CROCC2: variants seen among roughly 807,000 people sequenced by gnomAD.
The protein encoded by CROCC2 is ciliary rootlet coiled-coil, rootletin family member 2.
Under a neutral mutation model 177.6 loss-of-function variants are expected in CROCC2, and 163 were observed. That is an observed-to-expected ratio of 0.92 (90% CI 0.81 to 1.05). The LOEUF is 1.05. Ranked by LOEUF, CROCC2 falls within the 50% of genes least tolerant of loss-of-function variation. CROCC2 has a pLI of 0.00. For missense variants in CROCC2, 1,929 were observed against 1,797.8 expected, an observed-to-expected ratio of 1.07 and a Z score of -1.32; for synonymous variants, 904 against 787.3, an observed-to-expected ratio of 1.15 and a Z score of -2.48.
rs956431379 is a variant in CROCC2, at chr2:240,930,918, C to T, written c.750-13C>T. On this transcript the variant is annotated splice_polypyrimidine_tract_variant and intron_variant, in intron 6 of 31. Coordinates refer to ENST00000690015, the MANE Select transcript of CROCC2 (RefSeq NM_001351305.2). ...GTCCTGAGTCCGCCACAGATGCTGCCCTTGTCTCCCAGGGGCCTCGCTGAC... is the reference window on the plus strand; with the variant it reads ...GTCCTGAGTCCGCCACAGATGCTGCTCTTGTCTCCCAGGGGCCTCGCTGAC... The T allele has an allele frequency of 5.7e-6, 4 of 701,380 alleles. No individual in the cohort carries two copies. Among genetic ancestry groups the T allele is most frequent in the African/African-American group, 5.3e-5 (3 of 56,990 alleles). 43.4% of individuals were successfully genotyped at this position (701,380 alleles called of 1,614,324 possible).
At chr2:240,922,751 C>G in intron 4 of CROCC2, 106 bp downstream of exon 4, 1 of 480,454 alleles carries the variant, frequency 2.1e-6, no homozygotes, top group Non-Finnish European at 3.7e-6. Context: ...CTTCCCAAAG[C>G]AGCTGTGAGT....
chr2:240,959,193 C>G, intron 19 of CROCC2, 108 bp from the exon 20 acceptor site: 1 of 1,303,416 alleles, frequency 7.7e-7, no homozygotes, highest in Non-Finnish European at 1.0e-6. Flanking sequence ...CCCGGCTCCC[C>G]CTCCCAGGCC....
intron 11 of CROCC2, among the ~76,000 whole-genome samples, chr2:240,934,098 A>G (rs1042483695): frequency 2.0e-5 from 3 of 151,630 alleles, no homozygotes; most frequent in African/African-American, 7.3e-5. Flanking sequence ...TGGGCCCATC[A>G]GATGTGGGGC....
chr2:240,931,045 G>A lies in CROCC2; in HGVS notation c.864G>A (p.Leu288=). The change falls in exon 7 of 32, where the codon CTG becomes CTA. Residue 288 remains leucine, a synonymous_variant. Transcript: ENST00000690015. The stretch of plus-strand genomic sequence containing the variant: ...CGGCCAGCAGCACGGCCAGCACCCT[G>A]GGGCAGCAGCTTCGGGACAAGGCTG... ...RLSASSTAST[L]GQQLRDKAGE... 1.4e-6 allele frequency: 1 copy of A among 716,736 alleles called. No homozygotes were observed. Among genetic ancestry groups the A allele is most frequent in the East Asian group, 2.7e-5 (1 of 37,286 alleles). 44.4% of individuals were successfully genotyped at this position (716,736 alleles called of 1,614,324 possible). A position where few individuals can be genotyped will look rare whatever the true frequency, so the allele number is the denominator to read the frequency against.
At chr2:240,981,638 A>T (rs2059801047) in intron 27 of CROCC2, 1 of 152,236 alleles carries the variant, frequency 6.6e-6, no homozygotes. Context: ...TCTACTGGAA[A>T]ATTATATAGA....
At chr2:240,964,954 T>C (rs75372683) in intron 22 of CROCC2, among the ~76,000 whole-genome samples, 8,206 of 152,206 alleles carry the variant, frequency 0.054, 770 homozygotes, top group African/African-American at 0.19. Flanking sequence ...ATGCAACACC[T>C]TCCGGTGGCG....
At chr2:240,963,496 G>A in intron 20 of CROCC2, 60 bp from the exon 21 acceptor site, 3 of 1,446,534 alleles carry the variant, frequency 2.1e-6, no homozygotes, top group African/African-American at 1.4e-5. Flanking sequence ...ACAGGCCCCT[G>A]TGGCTATCCC....
At position 240,948,959 on chromosome 2, in the gene CROCC2, T is replaced by C. The variant is rs1039568690; in HGVS notation, c.2364-20T>C. 3 of 1,550,092 alleles carry C rather than the reference T, an allele frequency of 1.9e-6. No individual in the cohort carries two copies. The highest frequency in any genetic ancestry group is 2.4e-5 in the South Asian group (2 of 84,044). Reference sequence around the variant, plus strand: ...AGGATCTTGGGGATGACTTGCCCATTGTTTGCTGCATCTTTGCAGGGTGGA... The same window carrying C: ...AGGATCTTGGGGATGACTTGCCCATCGTTTGCTGCATCTTTGCAGGGTGGA... On this transcript the variant is annotated intron_variant, in intron 15 of 31. Coordinates refer to ENST00000690015, the MANE Select transcript of CROCC2 (RefSeq NM_001351305.2).
chr2:240,969,746 T>G (rs2059708761), intron 27 of CROCC2, among the ~76,000 whole-genome samples: 1 of 152,222 alleles, frequency 6.6e-6, no homozygotes, highest in African/African-American at 2.4e-5. Flanking sequence ...TATTTTATTT[T>G]TTGAGATGGA....
chr2:240,929,827 G>A (rs1056040886), intron 5 of CROCC2: 20 of 486,406 alleles, frequency 4.1e-5, no homozygotes, highest in Non-Finnish European at 6.4e-5. Flanking sequence ...TTCCAAGCCT[G>A]AGCAGTTCCT....
Position 240,946,189 on chromosome 2 carries a change from CT to C in CROCC2, c.2300del (p.Leu767ArgfsTer76), listed in dbSNP as rs1304065065. 2.6e-6 allele frequency: 4 copies of C among 1,547,540 alleles called. No homozygotes were observed. The highest frequency in any genetic ancestry group is 3.5e-6 in the Non-Finnish European group (4 of 1,144,554). On this transcript the variant is annotated frameshift_variant, in exon 15 of 32. Coordinates refer to ENST00000690015, the MANE Select transcript of CROCC2 (RefSeq NM_001351305.2). LOFTEE classifies it high-confidence loss of function. The part of the protein sequence containing the change: ...DALSEERAQL[L>X]AKQEALERQG... ...TCTGTCTGAGGAGCGGGCCCAGCTG[CT>C]GGCCAAGCAGGAGGCCTTGGAGAGG...
Position 240,932,264 on chromosome 2 carries a change from G to A in CROCC2, c.948-54G>A, listed in dbSNP as rs1298629156. 1.8e-5 allele frequency: 12 copies of A among 678,532 alleles called. No individual in the cohort carries two copies. The East Asian group carries it at 3.3e-4, about 18-fold the overall frequency. The allele number at this position is 678,532 out of a possible 1,614,324, so 42.0% of individuals were successfully genotyped here. ...CCGGGCAGAGCCAGGGCATGCTTGG[G>A]TGCCCGTCCTCTGGGCCCTGCCCTT... On this transcript the variant is annotated intron_variant, in intron 7 of 31. Coordinates refer to ENST00000690015, the MANE Select transcript of CROCC2 (RefSeq NM_001351305.2).
At position 240,991,197 on chromosome 2, in the gene CROCC2, T is replaced by A; in HGVS notation, c.4865T>A (p.Val1622Glu). Residue 1622 changes from valine to glutamate, a missense_variant and splice_region_variant, in exon 31 of 32, where the codon GTG (valine) becomes GAG (glutamate). Transcript: ENST00000690015. ...CCTGAGCCACTGTCCTGTCCCCAGG[T>A]GGCCAGCCTGAAGGAGCAACTGGAC... ...QQQVKVLEEQVASLKEQLDQE... is the reference protein window; with the variant it reads ...QQQVKVLEEQEASLKEQLDQE... 1 of 1,545,774 alleles carries A rather than the reference T, an allele frequency of 6.5e-7. No homozygotes were observed.
intron 29 of CROCC2, among the ~76,000 whole-genome samples, chr2:240,989,169 G>A (rs2059860909): frequency 6.6e-6 from 1 of 152,178 alleles, no homozygotes; most frequent in South Asian, 2.1e-4. Context: ...AGGTCAGAGA[G>A]GCCTGTGGGG....
At chr2:240,959,256 G>T (rs2059614644) in intron 19 of CROCC2, 45 bp from the exon 20 acceptor site, 2 of 1,542,448 alleles carry the variant, frequency 1.3e-6, no homozygotes, top group Non-Finnish European at 8.7e-7. Flanking sequence ...CTCCACTGCT[G>T]GGCCCAGCTC....
At chr2:240,919,723 G>A (rs62186585) in intron 2 of CROCC2, among the ~76,000 whole-genome samples, 12 of 146,858 alleles carry the variant, frequency 8.2e-5, no homozygotes, top group South Asian at 2.2e-4. Flanking sequence ...TTTGGGGCTC[G>A]GCCTGGGCCT....
At chr2:240,981,085 G>A (rs1312905109) in intron 27 of CROCC2, among the ~76,000 whole-genome samples, 19 of 131,230 alleles carry the variant, frequency 1.4e-4, no homozygotes, top group Non-Finnish European at 2.5e-4. Flanking sequence ...AGGATCCCAG[G>A]CTCATCCCTG....
rs777739868 is a variant in CROCC2 at position 240,930,979 on chromosome 2, G to A, written c.798G>A (p.Leu266=). 1.1e-5 allele frequency: 8 copies of A among 715,462 alleles called. 1 individual carries two copies. The highest frequency in any genetic ancestry group is 2.3e-4 in the Middle Eastern group (1 of 4,388). 44.3% of individuals were successfully genotyped at this position (715,462 alleles called of 1,614,324 possible). The change falls in exon 7 of 32, where the codon CTG becomes CTA. Residue 266 remains leucine (L), a synonymous_variant. Transcript: ENST00000690015. Reference sequence around the variant, plus strand: ...ACACGGCCAGGACAGCCCGCCGCCTGCACACCGCCTGCCTGAACCTCGACT... The same window carrying A: ...ACACGGCCAGGACAGCCCGCCGCCTACACACCGCCTGCCTGAACCTCGACT... ...QADTARTARR[L]HTACLNLDSN... is the part of the protein sequence containing the mutation.
intron 14 of CROCC2, among the ~76,000 whole-genome samples, chr2:240,945,548 G>C (rs1167099663): frequency 6.6e-6 from 1 of 152,140 alleles, no homozygotes; most frequent in African/African-American, 2.4e-5. Flanking sequence ...TGAGGAAGAG[G>C]AGACATTAAA....
Sources: allele counts gnomAD v4.1 joint callset (sites outside exome capture counted in the v4.1 genomes callset), GRCh38; gene constraint gnomAD v4.1.1; transcripts MANE v1.5; gene names NCBI Gene and HGNC (gene_info 2026-07-23, HGNC 2026-07-21).